Variants in ATP9B observed in about 807,000 individuals in gnomAD.
The protein encoded by ATP9B is ATPase phospholipid transporting 9B, also known as probable phospholipid-transporting ATPase IIB.
In ATP9B, 110 loss-of-function variants were observed where a neutral mutation model predicts 146.1. That is an observed-to-expected ratio of 0.75 (90% CI 0.65 to 0.88). The LOEUF is 0.88. Ranked by LOEUF, ATP9B falls within the 40% of genes least tolerant of loss-of-function variation. ATP9B has a pLI of 0.00. For synonymous variants in ATP9B, 604 were observed against 569.7 expected (o/e 1.06, Z -0.86); for missense variants, 1,499 against 1,496.4 (o/e 1.00, Z -0.03).
At chr18:79,102,070 C>T (rs1280217243) in intron 2 of ATP9B, among the ~76,000 whole-genome samples, 1 of 152,090 alleles carries the variant, frequency 6.6e-6, no homozygotes, top group East Asian at 1.9e-4. Flanking sequence ...CTCAGCCTTT[C>T]GAGTAGCTGG....
rs1230168734 is a variant in ATP9B at position 79,341,141 on chromosome 18, C to T, written c.2284-1127C>T. On this transcript the variant is annotated intron_variant, in intron 19 of 29. Coordinates refer to ENST00000426216, the MANE Select transcript of ATP9B (RefSeq NM_198531.5). ...TTTAATTGTGGTTGGATGTGTGTAG[C>T]GTGACCTCGTTGAAGTCTGTGTTGC... Among the ~76,000 whole-genome samples, 8 of 152,210 alleles carry T rather than the reference C, an allele frequency of 5.3e-5. No individual in the cohort carries two copies. In the East Asian group the frequency reaches 1.5e-3, roughly 29 times the overall value.
chr18:79,353,697 C>T (rs376214278), intron 25 of ATP9B: 7 of 152,156 alleles, frequency 4.6e-5, no homozygotes, highest in Non-Finnish European at 1.0e-4. Flanking sequence ...TTGGGGGTGA[C>T]GGAGATGCTC....
intron 11 of ATP9B, among the ~76,000 whole-genome samples, chr18:79,217,667 A>T (rs2148453307): frequency 6.6e-6 from 1 of 152,330 alleles, no homozygotes; most frequent in South Asian, 2.1e-4. Flanking sequence ...GTATTGATAC[A>T]TGTTGAATGG....
chr18:79,291,718 T>C (rs1440250869), intron 13 of ATP9B, among the ~76,000 whole-genome samples: 1 of 152,254 alleles, frequency 6.6e-6, no homozygotes, highest in Non-Finnish European at 1.5e-5. Flanking sequence ...TGAATGTCAG[T>C]TTTAAGCTAC....
At chr18:79,099,303 C>T (rs543774189) in intron 2 of ATP9B, among the ~76,000 whole-genome samples, 225 of 152,144 alleles carry the variant, frequency 1.5e-3, no homozygotes, top group Non-Finnish European at 2.7e-3. Flanking sequence ...CTCACCTCAA[C>T]CTCCGCCTTC....
At chr18:79,238,073 A>AT (rs1051111519) in intron 11 of ATP9B, among the ~76,000 whole-genome samples, 5 of 151,848 alleles carry the variant, frequency 3.3e-5, no homozygotes, top group Admixed American at 6.6e-5. Flanking sequence ...TAAAAAAAAA[A>AT]TTTTGGTGAT....
intron 20 of ATP9B, chr18:79,343,866 CA>C (rs916837591): frequency 7.4e-6 from 2 of 268,872 alleles, no homozygotes; most frequent in Admixed American, 1.0e-4. Context: ...GTGGGAATTA[CA>C]AGAAAATTCT....
At chr18:79,347,652 G>C in intron 23 of ATP9B, 118 bp from the exon 24 acceptor site, 1 of 1,249,372 alleles carries the variant, frequency 8.0e-7, no homozygotes, top group Non-Finnish European at 1.1e-6. Flanking sequence ...AGCTTTACAA[G>C]TTCTGCAGAG....
intron 25 of ATP9B, among the ~76,000 whole-genome samples, chr18:79,349,960 A>C (rs532963482): frequency 7.6e-6 from 1 of 131,850 alleles, no homozygotes; most frequent in South Asian, 2.4e-4. Flanking sequence ...TTAGCGTCCT[A>C]TTCTCCTGCG....
In ATP9B at chr18:79,328,053, T is replaced by C. The variant is rs1474157012; in HGVS notation, c.1774-1088T>C. On this transcript the variant is annotated intron_variant, in intron 15 of 29. Coordinates refer to ENST00000426216, the MANE Select transcript of ATP9B (RefSeq NM_198531.5). ...TGCTCTCCGTGGTTAGCGTGCTCTC[T>C]CTGGTTAGCGTGCTCTCCGTGGTTA... 5.7e-3 allele frequency among the ~76,000 whole-genome samples: 443 copies of C among 77,138 alleles called. 1 individual carries two copies. The highest frequency in any genetic ancestry group is 0.013 in the African/African-American group (206 of 16,440). 50.6% of individuals were successfully genotyped at this position (77,138 alleles called of 152,430 possible).
At chr18:79,328,341 A>G (rs187698649) in intron 15 of ATP9B, among the ~76,000 whole-genome samples, 2 of 152,356 alleles carry the variant, frequency 1.3e-5, no homozygotes, top group Non-Finnish European at 2.9e-5. Context: ...GTCATAAAAT[A>G]CTATTCACAA....
intron 9 of ATP9B, among the ~76,000 whole-genome samples, chr18:79,193,831 A>G (rs115483862): frequency 0.013 from 1,987 of 152,326 alleles, 47 homozygotes; most frequent in African/African-American, 0.045. Context: ...GTACATGACT[A>G]TAGGTTATTT....
chr18:79,182,593 T>C (rs904164618), intron 8 of ATP9B, among the ~76,000 whole-genome samples: 3 of 152,102 alleles, frequency 2.0e-5, no homozygotes, highest in Non-Finnish European at 2.9e-5. Context: ...TGTCTGAAAA[T>C]AGATACTTTA....
intron 7 of ATP9B, among the ~76,000 whole-genome samples, chr18:79,162,866 T>C (rs932227282): frequency 6.6e-6 from 1 of 152,212 alleles, no homozygotes; most frequent in African/African-American, 2.4e-5. Flanking sequence ...TTATGCGATA[T>C]GACAGACTCG....
intron 4 of ATP9B, among the ~76,000 whole-genome samples, chr18:79,123,211 A>G (rs2094219505): frequency 6.6e-6 from 1 of 152,180 alleles, no homozygotes; most frequent in African/African-American, 2.4e-5. Context: ...ACTAAACAAA[A>G]TGAATTAGCA....
At chr18:79,185,647 A>G (rs1348432537) in intron 8 of ATP9B, among the ~76,000 whole-genome samples, 1 of 152,254 alleles carries the variant, frequency 6.6e-6, no homozygotes, top group East Asian at 1.9e-4. Flanking sequence ...TATTAGGTAT[A>G]GATCTTTTTT....
At chr18:79,165,774 A>G (rs115567664) in intron 7 of ATP9B, among the ~76,000 whole-genome samples, 4,355 of 152,044 alleles carry the variant, frequency 0.029, 225 homozygotes, top group African/African-American at 0.1. Flanking sequence ...CTGCAGCCCC[A>G]CCCAGGAGGG....
chr18:79,372,351 G>A (rs1481150129), intron 26 of ATP9B: 1 of 321,150 alleles, frequency 3.1e-6, no homozygotes, highest in East Asian at 7.7e-5. Flanking sequence ...TCCAGCGAGG[G>A]TTTAAGGGAT....
intron 13 of ATP9B, among the ~76,000 whole-genome samples, chr18:79,290,150 C>CA (rs1177750144): frequency 6.6e-6 from 1 of 152,186 alleles, no homozygotes; most frequent in Non-Finnish European, 1.5e-5. Flanking sequence ...TCAAAGCTGT[C>CA]AGACAGGGAC....
Sources: gnomAD v4.1 joint callset for allele counts (sites outside exome capture counted in the v4.1 genomes callset) on GRCh38, gnomAD v4.1.1 for gene constraint, MANE v1.5 for transcripts, NCBI Gene and HGNC (gene_info 2026-07-23, HGNC 2026-07-21) for gene names.